The following TRPM3 variants were observed in gnomAD, a reference collection of about 807,000 sequenced individuals.
The protein encoded by TRPM3 is long transient receptor potential channel 3.
Under a neutral mutation model 181.2 loss-of-function variants are expected in TRPM3, and 77 were observed. That is an observed-to-expected ratio of 0.42 (90% CI 0.35 to 0.51). The LOEUF (loss-of-function observed/expected upper bound fraction) is 0.51. Among genes scored for constraint, TRPM3 ranks in the 20% least tolerant of loss-of-function variants. TRPM3 has a pLI of 0.01. For missense variants in TRPM3, 1,759 were observed against 2,196.7 expected (o/e 0.80, Z 3.98); for synonymous variants, 745 against 796.4 (o/e 0.94, Z 1.09).
chr9:70,572,114 T>TTGTGTGTGTGTGTGTGTGTGTGTG (rs58492210), intron 22 of TRPM3, among the ~76,000 whole-genome samples: 130 of 149,962 alleles, frequency 8.7e-4, no homozygotes, highest in African/African-American at 2.9e-3. Flanking sequence ...TCCCAGTTAC[T>TTGTGTGTGTGTGTGTGTGTGTGTG]TGTGTGTGTG....
chr9:71,003,194 A>AAT (rs386415032), intron 1 of TRPM3, among the ~76,000 whole-genome samples: 2 of 8,852 alleles, frequency 2.3e-4, no homozygotes, highest in Non-Finnish European at 3.7e-4. Flanking sequence ...CCCTTGCCTT[A>AAT]AAAAAAAAAA....
intron 1 of TRPM3, among the ~76,000 whole-genome samples, chr9:71,180,229 A>G (rs2077326383): frequency 6.6e-6 from 1 of 151,672 alleles, no homozygotes; most frequent in Non-Finnish European, 1.5e-5. Flanking sequence ...TAATTTTTGT[A>G]TTTTTAATAG....
At chr9:70,829,383 G>GTGAA (rs1221740631) in intron 5 of TRPM3, among the ~76,000 whole-genome samples, 2 of 152,100 alleles carry the variant, frequency 1.3e-5, no homozygotes, top group Admixed American at 6.5e-5. Context: ...TCAATAAATA[G>GTGAA]TGAATGAATG....
At position 71,431,693 on chromosome 9, in the gene TRPM3, A is replaced by T. The variant is rs114833516; in HGVS notation, c.183+14960T>A. 7.8e-3 allele frequency among the ~76,000 whole-genome samples: 1,184 copies of T among 152,316 alleles called. 18 individuals are homozygous for T. Among genetic ancestry groups the T allele is most frequent in the African/African-American group, 0.027 (1,123 of 41,560 alleles). The stretch of plus-strand genomic sequence containing the variant: ...CTTTTCCCAGCTGACCTTGGTTAAA[A>T]TAGACTTCACTTCTCTGAAATTTTA... On this transcript the variant is annotated intron_variant, in intron 1 of 24. Coordinates refer to the TRPM3 transcript ENST00000357533.
At chr9:70,923,551 T>A (rs976935823) in intron 1 of TRPM3, among the ~76,000 whole-genome samples, 1 of 152,106 alleles carries the variant, frequency 6.6e-6, no homozygotes. Context: ...GAATTGGATA[T>A]AAAGTAATGC....
intron 1 of TRPM3, among the ~76,000 whole-genome samples, chr9:71,316,909 G>A (rs369581006): frequency 6.6e-6 from 1 of 152,104 alleles, no homozygotes; most frequent in African/African-American, 2.4e-5. Context: ...CTTTTCAGAT[G>A]GATAATGGCA....
chr9:71,195,731 G>A (rs1045550527), intron 1 of TRPM3, among the ~76,000 whole-genome samples: 1 of 152,046 alleles, frequency 6.6e-6, no homozygotes, highest in Non-Finnish European at 1.5e-5. Context: ...TGGAAGACTG[G>A]GGTAAGAAAA....
At chr9:71,168,007 T>C (rs2076620994) in intron 1 of TRPM3, among the ~76,000 whole-genome samples, 1 of 152,178 alleles carries the variant, frequency 6.6e-6, no homozygotes, top group Admixed American at 6.5e-5. Context: ...ACATACCTCA[T>C]TTAGAGGAAG....
chr9:71,133,827 C>T lies in TRPM3; in HGVS notation c.184-269316G>A, dbSNP rs544954848. On this transcript the variant is annotated intron_variant, in intron 1 of 24. Coordinates refer to the TRPM3 transcript ENST00000357533. ...AGCAGATGTTATGCTGAAGAAAGGT[C>T]ATTTCCAATCTAAGCACAGACAAAC... Among the ~76,000 whole-genome samples the T allele has an allele frequency of 2.0e-5, 3 of 152,292 alleles. No homozygotes were observed. The East Asian group carries it at 5.8e-4, about 29-fold the overall frequency.
chr9:70,874,670 T>C (rs2095843678), intron 1 of TRPM3, among the ~76,000 whole-genome samples: 3 of 151,956 alleles, frequency 2.0e-5, no homozygotes, highest in South Asian at 4.1e-4. Flanking sequence ...AATTGGAACA[T>C]TTTATGTTAG....
intron 19 of TRPM3, among the ~76,000 whole-genome samples, chr9:70,608,549 T>C (rs1020377836): frequency 2.6e-5 from 4 of 152,104 alleles, no homozygotes; most frequent in African/African-American, 9.7e-5. Context: ...AAAAATATTA[T>C]CTCGGGCTGG....
intron 25 of TRPM3, 73 bp from the exon 26 acceptor site, chr9:70,537,478 G>T (rs1416929797): frequency 3.7e-6 from 5 of 1,347,128 alleles, no homozygotes; most frequent in Non-Finnish European, 4.8e-6. Flanking sequence ...CAAGGATAAA[G>T]GGATCACAGC....
At chr9:70,960,239 T>C (rs755167914) in intron 1 of TRPM3, among the ~76,000 whole-genome samples, 5 of 152,112 alleles carry the variant, frequency 3.3e-5, no homozygotes, top group Non-Finnish European at 5.9e-5. Flanking sequence ...GTGGACATTA[T>C]GATGGGATGA....
chr9:71,437,153 C>G (rs1233424016), intron 1 of TRPM3, among the ~76,000 whole-genome samples: 1 of 152,132 alleles, frequency 6.6e-6, no homozygotes, highest in Non-Finnish European at 1.5e-5. Flanking sequence ...AAACATTTAT[C>G]TTGACTATTA....
At chr9:70,969,042 C>G (rs980876293) in intron 1 of TRPM3, among the ~76,000 whole-genome samples, 1 of 152,130 alleles carries the variant, frequency 6.6e-6, no homozygotes, top group Non-Finnish European at 1.5e-5. Flanking sequence ...AGCTTCTGCA[C>G]AGCAAAAGAA....
At chr9:71,227,834 G>T (rs970889764) in intron 1 of TRPM3, among the ~76,000 whole-genome samples, 6 of 152,004 alleles carry the variant, frequency 3.9e-5, no homozygotes, top group African/African-American at 1.2e-4. Flanking sequence ...CAAGACCAAG[G>T]CCATAATAAA....
At chr9:71,390,608 T>G (rs2093039700) in intron 1 of TRPM3, among the ~76,000 whole-genome samples, 1 of 152,012 alleles carries the variant, frequency 6.6e-6, no homozygotes, top group South Asian at 2.1e-4. Flanking sequence ...TTATTCCATC[T>G]TGGCTGTGCA....
intron 1 of TRPM3, among the ~76,000 whole-genome samples, chr9:71,159,761 C>A (rs979732739): frequency 6.6e-6 from 1 of 152,058 alleles, no homozygotes; most frequent in Non-Finnish European, 1.5e-5. Flanking sequence ...CTGCTAAGAT[C>A]ATCTATATTT....
intron 1 of TRPM3, among the ~76,000 whole-genome samples, chr9:71,085,490 C>T (rs920888577): frequency 6.6e-6 from 1 of 151,916 alleles, no homozygotes; most frequent in Non-Finnish European, 1.5e-5. Flanking sequence ...AGGTACTTCT[C>T]AAAAGAAGAT....
Sources: gnomAD v4.1 joint callset for allele counts (sites outside exome capture counted in the v4.1 genomes callset) on GRCh38, gnomAD v4.1.1 for gene constraint, MANE v1.5 for transcripts, NCBI Gene and HGNC (gene_info 2026-07-23, HGNC 2026-07-21) for gene names.